The following DACH2 variants were observed in gnomAD, a reference collection of about 807,000 sequenced individuals.
DACH2 encodes dachshund homolog 2.
Under a neutral mutation model 35.8 loss-of-function variants are expected in DACH2, and 17 were observed. The observed-to-expected ratio is 0.48, with a 90% CI of 0.33 to 0.71. DACH2 has a LOEUF of 0.71. Among genes scored for constraint, DACH2 ranks in the 30% least tolerant of loss-of-function variants. The probability of loss-of-function intolerance (pLI) is 0.02; values close to 1 mark genes in which losing one functional copy is unlikely to be tolerated. For missense variants in DACH2, 469 were observed against 472.7 expected (o/e 0.99, Z 0.07); for synonymous variants, 195 against 177.3 (o/e 1.10, Z -0.79).
chrX:86,510,988 C>T (rs1245755241), intron 2 of DACH2, among the ~76,000 whole-genome samples: 1 of 111,937 alleles, frequency 8.9e-6, no homozygotes, highest in Non-Finnish European at 1.9e-5. Context: ...TTAGTAGAAG[C>T]AGGTGCTACA....
At chrX:86,789,647 C>T (rs748946837) in intron 7 of DACH2, among the ~76,000 whole-genome samples, 2 of 111,741 alleles carry the variant, frequency 1.8e-5, no homozygotes, top group East Asian at 5.6e-4. Context: ...CATGATATAG[C>T]TCTACCTTGG....
rs1389092074 is a variant in DACH2 at position 86,567,400 on chromosome X, G to A, written c.640+53009G>A. Among the ~76,000 whole-genome samples the A allele has an allele frequency of 2.7e-5, 3 of 111,195 alleles. No individual in the cohort carries two copies. In the East Asian group the frequency reaches 8.6e-4, roughly 32 times the overall value. ...AGATCTAGGTGGTTATGTTGGAGCAGAGTGGTAGGTATGAAGAGTGTCTGG... is the reference window on the plus strand; with the variant it reads ...AGATCTAGGTGGTTATGTTGGAGCAAAGTGGTAGGTATGAAGAGTGTCTGG... On this transcript the variant is annotated intron_variant, in intron 3 of 11. Coordinates refer to ENST00000373125, the MANE Select transcript of DACH2 (RefSeq NM_053281.3).
intron 3 of DACH2, among the ~76,000 whole-genome samples, chrX:86,649,394 C>G (rs1438652441): frequency 7.2e-5 from 8 of 110,856 alleles, no homozygotes; most frequent in Non-Finnish European, 1.5e-4. Flanking sequence ...CTTATTGATA[C>G]AGTTTTGATT....
At chrX:86,387,429 G>C (rs768193066) in intron 2 of DACH2, among the ~76,000 whole-genome samples, 1 of 111,386 alleles carries the variant, frequency 9.0e-6, no homozygotes, top group Non-Finnish European at 1.9e-5. Context: ...AATGCCATAC[G>C]AGTGGTAAAA....
chrX:86,616,456 C>A (rs748108422), intron 3 of DACH2, among the ~76,000 whole-genome samples: 1 of 111,840 alleles, frequency 8.9e-6, no homozygotes, highest in African/African-American at 3.2e-5. Flanking sequence ...CTTGTTATAG[C>A]CATTCTGACT....
chrX:86,674,042 A>G (rs1044597757), intron 4 of DACH2, among the ~76,000 whole-genome samples: 6 of 112,042 alleles, frequency 5.4e-5, no homozygotes. Flanking sequence ...AGTTCTTTGT[A>G]GCAATGGATG....
chrX:86,158,879 T>C lies in DACH2; in HGVS notation c.488+9771T>C, dbSNP rs190187476. Among the ~76,000 whole-genome samples, 67 of 111,070 alleles carry C rather than the reference T, an allele frequency of 6.0e-4. No homozygotes were observed. In the East Asian group the frequency reaches 0.018, roughly 29 times the overall value. ...ACCAGAAAAGTCCAACTAAAAATAG[T>C]TATTAAGATACAAAACAAGGTATTT... On this transcript the variant is annotated intron_variant, in intron 1 of 11. Coordinates refer to ENST00000373125, the MANE Select transcript of DACH2 (RefSeq NM_053281.3).
At chrX:86,624,984 A>G (rs1020473298) in intron 3 of DACH2, among the ~76,000 whole-genome samples, 1 of 111,478 alleles carries the variant, frequency 9.0e-6, no homozygotes, top group Non-Finnish European at 1.9e-5. Flanking sequence ...CTGAAAAAAA[A>G]GGTAGGAGAA....
intron 5 of DACH2, among the ~76,000 whole-genome samples, chrX:86,706,200 A>G (rs1295168947): frequency 9.0e-6 from 1 of 111,673 alleles, no homozygotes; most frequent in Non-Finnish European, 1.9e-5. Context: ...ACACTATACA[A>G]TTCATCCATG....
chrX:86,767,504 A>G (rs1200462887), intron 7 of DACH2, among the ~76,000 whole-genome samples: 1 of 111,777 alleles, frequency 8.9e-6, no homozygotes. Flanking sequence ...TGCATAATTA[A>G]TTAGTGTGTA....
At chrX:86,253,787 A>G (rs1281159907) in intron 1 of DACH2, among the ~76,000 whole-genome samples, 1 of 112,072 alleles carries the variant, frequency 8.9e-6, no homozygotes, top group Non-Finnish European at 1.9e-5. Context: ...AAGAATAAGG[A>G]AAGGCAACAT....
At position 86,523,959 on chromosome X, in the gene DACH2, C is replaced by T. The variant is rs187440273; in HGVS notation, c.640+9568C>T. On this transcript the variant is annotated intron_variant, in intron 3 of 11. Transcript: ENST00000373125. ...TTTCTTTACATTAATTTTACCTAGG[C>T]AGTTTTATCCCCAGAACAGGGAGTG... Among the ~76,000 whole-genome samples the T allele has an allele frequency of 2.7e-5, 3 of 111,662 alleles. No individual in the cohort carries two copies. In the East Asian group the frequency reaches 8.5e-4, roughly 31 times the overall value.
intron 1 of DACH2, among the ~76,000 whole-genome samples, chrX:86,179,408 G>T (rs2147880221): frequency 8.9e-6 from 1 of 111,807 alleles, no homozygotes; most frequent in South Asian, 3.7e-4. Context: ...TAGGAATGAT[G>T]TGTTAAAGCA....
intron 1 of DACH2, among the ~76,000 whole-genome samples, chrX:86,349,650 G>A (rs773646774): frequency 9.8e-5 from 11 of 112,178 alleles, no homozygotes; most frequent in African/African-American, 3.6e-4. Context: ...TTCTTAAAAT[G>A]GACAAGAACA....
At chrX:86,202,778 G>A in intron 1 of DACH2, among the ~76,000 whole-genome samples, 1 of 111,070 alleles carries the variant, frequency 9.0e-6, no homozygotes, top group Non-Finnish European at 1.9e-5. Context: ...GAAGGGATTT[G>A]TTTGAGAACT....
rs183456642 is a variant in DACH2, at chrX:86,488,405, T to A, written c.528-25874T>A. On this transcript the variant is annotated intron_variant, in intron 2 of 11. Transcript: ENST00000373125. ...ATGGTTTCATTCAGCTTTAATATTC[T>A]TGGATTATTTATATTCTTTGGCTCT... is the stretch of plus-strand genomic sequence containing the variant. 5.7e-4 allele frequency among the ~76,000 whole-genome samples: 63 copies of A among 111,146 alleles called. 1 individual carries two copies. The East Asian group carries it at 0.017, about 29-fold the overall frequency.
chrX:86,523,812 G>A (rs1210212225), intron 3 of DACH2, among the ~76,000 whole-genome samples: 1 of 110,884 alleles, frequency 9.0e-6, no homozygotes, highest in Non-Finnish European at 1.9e-5. Context: ...TTATCTACAG[G>A]AGCAATTGGG....
chrX:86,751,227 C>T (rs1163052101), intron 7 of DACH2, among the ~76,000 whole-genome samples: 1 of 110,554 alleles, frequency 9.0e-6, no homozygotes, highest in Non-Finnish European at 1.9e-5. Flanking sequence ...AAGTTCTTAA[C>T]AAAATACTGG....
chrX:86,525,669 C>T (rs982236965), intron 3 of DACH2, among the ~76,000 whole-genome samples: 1 of 111,446 alleles, frequency 9.0e-6, no homozygotes, highest in African/African-American at 3.3e-5. Context: ...AGTAATGTTG[C>T]TCCACATTTG....
Sources: allele counts gnomAD v4.1 joint callset (sites outside exome capture counted in the v4.1 genomes callset), GRCh38; gene constraint gnomAD v4.1.1; transcripts MANE v1.5; gene names NCBI Gene and HGNC (gene_info 2026-07-23, HGNC 2026-07-21).